Variants in CPS1 observed in about 807,000 individuals in gnomAD.
CPS1 encodes carbamoyl-phosphate synthase [ammonia], mitochondrial.
Under a neutral mutation model 174.6 loss-of-function variants are expected in CPS1, and 109 were observed. That is an observed-to-expected ratio of 0.62 (90% CI 0.53 to 0.73). The LOEUF (loss-of-function observed/expected upper bound fraction) is 0.73, where lower values mean the gene tolerates loss of function less well. CPS1 is among the 30% of genes least tolerant of loss of function. The probability of loss-of-function intolerance (pLI) is 0.00; values close to 1 mark genes in which losing one functional copy is unlikely to be tolerated. For missense variants in CPS1, 1,689 were observed against 1,821.9 expected, an observed-to-expected ratio of 0.93 and a Z score of 1.33; for synonymous variants, 637 against 632.0, an observed-to-expected ratio of 1.01 and a Z score of -0.12.
At chr2:210,649,054 G>T (rs1375889082) in intron 27 of CPS1, among the ~76,000 whole-genome samples, 1 of 152,196 alleles carries the variant, frequency 6.6e-6, no homozygotes, top group Non-Finnish European at 1.5e-5. Flanking sequence ...CATAAAAGAA[G>T]AAGTTGTGAA....
chr2:210,675,369 A>G (rs958272206), intron 35 of CPS1, among the ~76,000 whole-genome samples: 1 of 152,224 alleles, frequency 6.6e-6, no homozygotes, highest in African/African-American at 2.4e-5. Context: ...AAGGCTTATG[A>G]TGGGCCTGTG....
intron 1 of CPS1, among the ~76,000 whole-genome samples, chr2:210,486,152 ACACACAC>A (rs1415117413): frequency 1.6e-5 from 2 of 123,834 alleles, no homozygotes; most frequent in Non-Finnish European, 3.2e-5. Flanking sequence ...ACACACACAC[ACACACAC>A]CCTGTATATA....
At chr2:210,587,346 CT>C (rs1049525827) in intron 6 of CPS1, among the ~76,000 whole-genome samples, 3 of 151,982 alleles carry the variant, frequency 2.0e-5, no homozygotes, top group African/African-American at 7.2e-5. Context: ...CCCTTCTAGG[CT>C]TTCTCTCTAT....
At chr2:210,590,982 A>C (rs911671535) in intron 9 of CPS1, 76 bp downstream of exon 9, 5 of 1,015,178 alleles carry the variant, frequency 4.9e-6, no homozygotes, top group East Asian at 2.6e-5. Flanking sequence ...CAGAGCACTT[A>C]CCTGCCATTT....
chr2:210,666,551 C>T (rs779326749), intron 33 of CPS1, among the ~76,000 whole-genome samples: 1 of 152,170 alleles, frequency 6.6e-6, no homozygotes, highest in African/African-American at 2.4e-5. Context: ...GTATGGTTAG[C>T]CAGTTTTCCC....
intron 16 of CPS1, among the ~76,000 whole-genome samples, chr2:210,603,096 C>T (rs73073583): frequency 9.2e-5 from 14 of 151,982 alleles, no homozygotes; most frequent in African/African-American, 3.4e-4. Flanking sequence ...TAGAACAGTG[C>T]CTGGAAATAC....
intron 21 of CPS1, among the ~76,000 whole-genome samples, chr2:210,637,222 A>G (rs1356691761): frequency 6.6e-6 from 1 of 152,156 alleles, no homozygotes; most frequent in Non-Finnish European, 1.5e-5. Context: ...GGTAGGGGGA[A>G]ACCCAAAACT....
chr2:210,661,178 TA>T (rs1370542542), intron 32 of CPS1, among the ~76,000 whole-genome samples: 2 of 152,218 alleles, frequency 1.3e-5, no homozygotes, highest in Non-Finnish European at 2.9e-5. Context: ...ATGACACCTT[TA>T]TAAAGAGTGA....
At chr2:210,543,492 A>G (rs916895359) in intron 1 of CPS1, among the ~76,000 whole-genome samples, 3 of 152,012 alleles carry the variant, frequency 2.0e-5, no homozygotes, top group Admixed American at 6.6e-5. Flanking sequence ...TTCCTCCCAC[A>G]TGACCCATTT....
At chr2:210,665,442 A>G (rs1288465334) in intron 33 of CPS1, among the ~76,000 whole-genome samples, 1 of 150,686 alleles carries the variant, frequency 6.6e-6, no homozygotes, top group Non-Finnish European at 1.5e-5. Flanking sequence ...ATCATTTAGC[A>G]TTAGGTATAT....
At chr2:210,562,672 A>G (rs1697141369) in intron 1 of CPS1, among the ~76,000 whole-genome samples, 1 of 152,156 alleles carries the variant, frequency 6.6e-6, no homozygotes, top group Non-Finnish European at 1.5e-5. Flanking sequence ...TAGAAACATC[A>G]GGTAAGCCAG....
chr2:210,648,576 A>T (rs972446921), intron 27 of CPS1, 36 bp downstream of exon 27: 1 of 1,534,974 alleles, frequency 6.5e-7, no homozygotes, highest in African/African-American at 1.4e-5. Flanking sequence ...ACAATGATTC[A>T]AAAATTGGGA....
intron 2 of CPS1, among the ~76,000 whole-genome samples, chr2:210,575,052 T>G (rs547278382): frequency 1.3e-5 from 2 of 152,170 alleles, no homozygotes; most frequent in South Asian, 4.1e-4. Context: ...GGGCAAGCCT[T>G]GGTTAAAAAA....
intron 1 of CPS1, among the ~76,000 whole-genome samples, chr2:210,533,191 A>G (rs1322694952): frequency 2.0e-5 from 3 of 152,130 alleles, no homozygotes; most frequent in Non-Finnish European, 4.4e-5. Context: ...TCTGGACTCA[A>G]AGAAGACCTT....
chr2:210,509,613 A>G (rs1695393713), intron 1 of CPS1, among the ~76,000 whole-genome samples: 1 of 152,194 alleles, frequency 6.6e-6, no homozygotes, highest in South Asian at 2.1e-4. Context: ...AGATGATGTG[A>G]TAGTATATCT....
At position 210,654,030 on chromosome 2, in the gene CPS1, C is replaced by T; in HGVS notation, c.3486C>T (p.His1162=). ...TCTGTTTTCCTTCGTGACAGGAGCA[C>T]CCAGTGGTGCTGACAAAATTTGTTG... The part of the protein sequence containing the change: ...LEEATRVSQE[H]PVVLTKFVEG... Residue 1162 remains histidine (H), a synonymous_variant, in exon 29 of 38, where the codon CAC becomes CAT. Transcript: ENST00000233072. 6.2e-7 allele frequency: 1 copy of T among 1,613,830 alleles called. No individual in the cohort carries two copies. The highest frequency in any genetic ancestry group is 1.6e-4 in the Middle Eastern group (1 of 6,062).
chr2:210,649,581 C>A (rs1337995113), intron 27 of CPS1, among the ~76,000 whole-genome samples: 1 of 152,056 alleles, frequency 6.6e-6, no homozygotes, highest in Non-Finnish European at 1.5e-5. Context: ...TCACACAATA[C>A]CTCATAAATA....
At chr2:210,546,351 G>A (rs554928011) in intron 1 of CPS1, among the ~76,000 whole-genome samples, 2 of 152,180 alleles carry the variant, frequency 1.3e-5, no homozygotes, top group South Asian at 2.1e-4. Context: ...GCAAACAAAA[G>A]CCTAAAGCTT....
chr2:210,639,421 G>T (rs1489111730), intron 23 of CPS1, among the ~76,000 whole-genome samples: 2 of 151,262 alleles, frequency 1.3e-5, no homozygotes, highest in Non-Finnish European at 2.9e-5. Context: ...GACCATCCTG[G>T]CTAACAAGGT....
Sources: allele counts gnomAD v4.1 joint callset (sites outside exome capture counted in the v4.1 genomes callset), GRCh38; gene constraint gnomAD v4.1.1; transcripts MANE v1.5; gene names NCBI Gene and HGNC (gene_info 2026-07-23, HGNC 2026-07-21).